Variants in KIRREL3 observed in about 807,000 individuals in gnomAD.
The protein encoded by KIRREL3 is kirre like nephrin family adhesion molecule 3.
Under a neutral mutation model 89.7 loss-of-function variants are expected in KIRREL3, and 36 were observed. The ratio of observed to expected loss-of-function variants is 0.40; its 90% confidence interval spans 0.31 to 0.53. The LOEUF (loss-of-function observed/expected upper bound fraction) is 0.53. Ranked by LOEUF, KIRREL3 falls within the 20% of genes least tolerant of loss-of-function variation. The pLI is 0.49. For missense variants in KIRREL3, 864 were observed against 1,056.6 expected, an observed-to-expected ratio of 0.82 and a Z score of 2.53; for synonymous variants, 445 against 441.4, an observed-to-expected ratio of 1.01 and a Z score of -0.10.
At position 126,766,939 on chromosome 11, in the gene KIRREL3, A is replaced by G. The variant is rs1949842759; in HGVS notation, c.56-204027T>C. 6.6e-6 allele frequency among the ~76,000 whole-genome samples: 1 copy of G among 152,204 alleles called. No homozygotes were observed. The highest frequency in any genetic ancestry group is 2.4e-5 in the African/African-American group (1 of 41,464). ...TATTACAAAGAGCTAGTCATGTTTG[A>G]CCACAAGAGCCTGGTCTAGGCACAT... is the stretch of plus-strand genomic sequence containing the variant. On this transcript the variant is annotated intron_variant, in intron 1 of 16. Transcript: ENST00000525144. This position sits in a 1 kb window ranked among gnomAD's most constrained non-coding sequence, Gnocchi z 4.2.
At position 126,519,647 on chromosome 11, in the gene KIRREL3, G is replaced by C. The variant is rs1368289919; in HGVS notation, c.433+1668C>G. On this transcript the variant is annotated intron_variant, in intron 4 of 16. Coordinates refer to ENST00000525144, the MANE Select transcript of KIRREL3 (RefSeq NM_032531.4). The surrounding 1 kb of genome is among the most constrained non-coding windows in gnomAD (Gnocchi z 4.3). ...CCAGCATCCTCTGGCCCCTCTAGAA[G>C]GTGTATGAGTCGGTAGAGGCAGATT... Among the ~76,000 whole-genome samples the C allele has an allele frequency of 6.6e-6, 1 of 152,200 alleles. No homozygotes were observed. Among genetic ancestry groups the C allele is most frequent in the Non-Finnish European group, 1.5e-5 (1 of 68,040 alleles).
intron 4 of KIRREL3, among the ~76,000 whole-genome samples, chr11:126,497,211 TGTGTGAGA>T (rs765121737): frequency 0.32 from 8,203 of 25,586 alleles, 258 homozygotes; most frequent in South Asian, 0.47. Flanking sequence ...TGAGTGTGAG[TGTGTGAGA>T]GTGAGTGTGT....
rs548640719 is a variant in KIRREL3, at chr11:126,783,722, C to T, written c.55+216733G>A. ...CCAGTGCAGAATTCCAAATAATTCACGTAGATGCCTTGCCCTCAAAGAAGT... is the reference window on the plus strand; with the variant it reads ...CCAGTGCAGAATTCCAAATAATTCATGTAGATGCCTTGCCCTCAAAGAAGT... On this transcript the variant is annotated intron_variant, in intron 1 of 16. Transcript: ENST00000525144. The surrounding 1 kb of genome is among the most constrained non-coding windows in gnomAD (Gnocchi z 4.3). Among the ~76,000 whole-genome samples, 24 of 152,304 alleles carry T rather than the reference C, an allele frequency of 1.6e-4. No individual in the cohort carries two copies. The highest frequency in any genetic ancestry group is 5.8e-4 in the African/African-American group (24 of 41,550).
rs1958816783 is a variant in KIRREL3, at chr11:126,527,991, T to A, written c.134-1304A>T. On this transcript the variant is annotated intron_variant, in intron 2 of 16. Transcript: ENST00000525144. This position sits in a 1 kb window ranked among gnomAD's most constrained non-coding sequence, Gnocchi z 4.2. ...GTACTTCATACAACCCCTCCTGTAA[T>A]CCACTTAATTATACTTCAGGGCAGA... Among the ~76,000 whole-genome samples, 1 of 152,102 alleles carries A rather than the reference T, an allele frequency of 6.6e-6. No individual in the cohort carries two copies. The highest frequency in any genetic ancestry group is 1.5e-5 in the Non-Finnish European group (1 of 68,032).
In KIRREL3 at chr11:126,640,861, G is replaced by C. The variant is rs2134927858; in HGVS notation, c.56-77949C>G. The stretch of plus-strand genomic sequence containing the variant: ...TCTCCTCCCCTTGACCTTCATATTG[G>C]AGTCCTTGGATCTCTTCTCAATCTT... On this transcript the variant is annotated intron_variant, in intron 1 of 16. Coordinates refer to ENST00000525144, the MANE Select transcript of KIRREL3 (RefSeq NM_032531.4). The surrounding 1 kb of genome is among the most constrained non-coding windows in gnomAD (Gnocchi z 4.9). 6.6e-6 allele frequency among the ~76,000 whole-genome samples: 1 copy of C among 152,110 alleles called. No homozygotes were observed. Among genetic ancestry groups the C allele is most frequent in the East Asian group, 1.9e-4 (1 of 5,174 alleles).
chr11:126,429,229 G>T lies in KIRREL3; in HGVS notation c.1756C>A (p.Pro586Thr), dbSNP rs765447391. ...TCCTCACCCTCCCGACCAGAGGCTG[G>T]TTCCTTGTGGACAATTTCCACTCGG... Reference protein sequence around the residue: ...DIRVEIVHKEPASGREGEEHS... With the variant: ...DIRVEIVHKETASGREGEEHS... Residue 586 changes from proline (P) to threonine (T), a missense_variant, in exon 15 of 17, where the codon CCA becomes ACA. Coordinates refer to ENST00000525144, the MANE Select transcript of KIRREL3 (RefSeq NM_032531.4). The surrounding 1 kb of genome is among the most constrained non-coding windows in gnomAD (Gnocchi z 5.2). The T allele has an allele frequency of 3.1e-6, 5 of 1,613,998 alleles. No homozygotes were observed. In the South Asian group the frequency reaches 5.5e-5, roughly 18 times the overall value.
chr11:126,888,236 C>A (rs866471748), intron 1 of KIRREL3, among the ~76,000 whole-genome samples: 2 of 152,318 alleles, frequency 1.3e-5, no homozygotes, highest in South Asian at 4.1e-4. Context: ...CACTAGACAG[C>A]AGCCACAAAG....
intron 1 of KIRREL3, among the ~76,000 whole-genome samples, chr11:126,760,132 G>A (rs1949623464): frequency 6.6e-6 from 1 of 152,180 alleles, no homozygotes; most frequent in Non-Finnish European, 1.5e-5. Flanking sequence ...TTTAGGATGT[G>A]CCAGACATAG....
chr11:126,701,020 A>G (rs1168243833), intron 1 of KIRREL3, among the ~76,000 whole-genome samples: 1 of 152,216 alleles, frequency 6.6e-6, no homozygotes, highest in Non-Finnish European at 1.5e-5. Flanking sequence ...TCATCCCAAA[A>G]TAGCTTCTGA....
chr11:126,541,086 C>G lies in KIRREL3; in HGVS notation c.134-14399G>C, dbSNP rs1320371448. ...ACAGCAGACAGAGTGCCCATCAACC[C>G]CTCTCAGAGGGCGTCAGCGTGGGCA... On this transcript the variant is annotated intron_variant, in intron 2 of 16. Transcript: ENST00000525144. The surrounding 1 kb of genome is among the most constrained non-coding windows in gnomAD (Gnocchi z 4.8). Among the ~76,000 whole-genome samples the G allele has an allele frequency of 6.6e-6, 1 of 152,166 alleles. No homozygotes were observed. The highest frequency in any genetic ancestry group is 1.5e-5 in the Non-Finnish European group (1 of 68,026).
rs11220541 is a variant in KIRREL3, at chr11:126,562,628, C to T, written c.133+207G>A. Among the ~76,000 whole-genome samples the T allele has an allele frequency of 0.28, 42,880 of 151,964 alleles. 7,924 individuals carry two copies. Among genetic ancestry groups the T allele is most frequent in the African/African-American group, 0.52 (21,597 of 41,398 alleles). ...AGGGAAGATTGCATAAAGAAAATGC[C>T]CCTGAATCAGCATCCTGTGTTTCAG... On this transcript the variant is annotated intron_variant, in intron 2 of 16. Transcript: ENST00000525144. This position sits in a 1 kb window ranked among gnomAD's most constrained non-coding sequence, Gnocchi z 4.7.
intron 1 of KIRREL3, among the ~76,000 whole-genome samples, chr11:126,680,892 AC>A (rs1173010033): frequency 6.6e-6 from 1 of 152,224 alleles, no homozygotes. Flanking sequence ...CTTCAGCAGC[AC>A]GACCTAACAG....
At position 126,686,515 on chromosome 11, in the gene KIRREL3, G is replaced by T. The variant is rs910308296; in HGVS notation, c.56-123603C>A. On this transcript the variant is annotated intron_variant, in intron 1 of 16. Transcript: ENST00000525144. The surrounding 1 kb of genome is among the most constrained non-coding windows in gnomAD (Gnocchi z 4.7). ...ATAGGGTCAGTGCTGGCCACTGAGC[G>T]GGGAGGGTGGGGAGGGACTGTGCGT... 6.6e-6 allele frequency among the ~76,000 whole-genome samples: 1 copy of T among 152,156 alleles called. No homozygotes were observed. The highest frequency in any genetic ancestry group is 2.4e-5 in the African/African-American group (1 of 41,438).
chr11:126,560,754 A>C (rs1940057936), intron 2 of KIRREL3, among the ~76,000 whole-genome samples: 1 of 152,236 alleles, frequency 6.6e-6, no homozygotes, highest in Non-Finnish European at 1.5e-5. Flanking sequence ...TGGGAAATAC[A>C]ATGATCATCA....
At chr11:126,875,480 G>A (rs1158155853) in intron 1 of KIRREL3, among the ~76,000 whole-genome samples, 6 of 152,198 alleles carry the variant, frequency 3.9e-5, no homozygotes, top group Admixed American at 3.9e-4. Flanking sequence ...ATGCAATGCA[G>A]CTATCTCTTG....
At chr11:126,680,175 A>G (rs1946383801) in intron 1 of KIRREL3, among the ~76,000 whole-genome samples, 1 of 152,232 alleles carries the variant, frequency 6.6e-6, no homozygotes, top group Non-Finnish European at 1.5e-5. Context: ...TGCTGGCCAT[A>G]TAACAGATGC....
intron 8 of KIRREL3, among the ~76,000 whole-genome samples, chr11:126,448,456 T>A (rs1955909246): frequency 6.6e-6 from 1 of 152,110 alleles, no homozygotes; most frequent in Non-Finnish European, 1.5e-5. Flanking sequence ...ATTCAGATGA[T>A]GAGAATAAAT....
In KIRREL3 at chr11:126,562,557, A is replaced by G. The variant is rs1940206121; in HGVS notation, c.133+278T>C. Among the ~76,000 whole-genome samples, 1 of 152,124 alleles carries G rather than the reference A, an allele frequency of 6.6e-6. No homozygotes were observed. The highest frequency in any genetic ancestry group is 2.1e-4 in the South Asian group (1 of 4,824). On this transcript the variant is annotated intron_variant, in intron 2 of 16. Coordinates refer to ENST00000525144, the MANE Select transcript of KIRREL3 (RefSeq NM_032531.4). The surrounding 1 kb of genome is among the most constrained non-coding windows in gnomAD (Gnocchi z 4.7). ...GGCTGTGGGGTGGGGTGCGGAAGAA[A>G]TGGTAGGGAAGAGAGAGGAAGAGAA...
chr11:126,966,037 T>C (rs1949260314), intron 1 of KIRREL3, among the ~76,000 whole-genome samples: 1 of 152,140 alleles, frequency 6.6e-6, no homozygotes, highest in South Asian at 2.1e-4. Flanking sequence ...CAATTTGACT[T>C]GAAGAGATGT....
Sources: allele counts gnomAD v4.1 joint callset (sites outside exome capture counted in the v4.1 genomes callset), GRCh38; gene constraint gnomAD v4.1.1; non-coding constraint Gnocchi (gnomAD v3.1); transcripts MANE v1.5; gene names NCBI Gene and HGNC (gene_info 2026-07-23, HGNC 2026-07-21).